Variants in LRRC9 observed in about 807,000 individuals in gnomAD.
LRRC9 encodes the protein leucine rich repeat containing 9.
Under a neutral mutation model 63.2 loss-of-function variants are expected in LRRC9, and 122 were observed. That is an observed-to-expected ratio of 1.93 (90% CI 1.67 to 2.24). The LOEUF (loss-of-function observed/expected upper bound fraction) is 2.24. LRRC9 is among the 30% of genes most tolerant of loss of function. The probability of loss-of-function intolerance (pLI) is 0.00; values close to 1 mark genes in which losing one functional copy is unlikely to be tolerated. For missense variants in LRRC9, 1,071 were observed against 627.7 expected (o/e 1.71, Z -7.55); for synonymous variants, 366 against 213.1 (o/e 1.72, Z -6.25).
chr14:60,034,069 G>A (rs1307111017), intron 29 of LRRC9, among the ~76,000 whole-genome samples: 1 of 123,004 alleles, frequency 8.1e-6, no homozygotes, highest in Non-Finnish European at 1.6e-5. Flanking sequence ...CACCCAAGAT[G>A]GAGTGCAGTG....
rs977096541 is a variant in LRRC9, at chr14:59,986,470, T to C, written c.2211+1246T>C. Among the ~76,000 whole-genome samples, 5 of 152,234 alleles carry C rather than the reference T, an allele frequency of 3.3e-5. No individual in the cohort carries two copies. The highest frequency in any genetic ancestry group is 1.2e-4 in the African/African-American group (5 of 41,466). On this transcript the variant is annotated intron_variant, in intron 17 of 31. Coordinates refer to ENST00000445360, the Ensembl canonical transcript of LRRC9. This position sits in a 1 kb window ranked among gnomAD's most constrained non-coding sequence, Gnocchi z 4.7. The stretch of plus-strand genomic sequence containing the variant: ...TTTAGTGTTAAACTCACTTCCTTTT[T>C]CTTTTGGTAGGCCCAAGCCCTTTTA...
At chr14:59,943,936 C>A (rs1012053686) in intron 7 of LRRC9, among the ~76,000 whole-genome samples, 2 of 151,870 alleles carry the variant, frequency 1.3e-5, no homozygotes, top group Non-Finnish European at 2.9e-5. Context: ...TGTTTATGGT[C>A]TCCTCAGATA....
chr14:59,974,462 G>A (rs757070275), intron 12 of LRRC9, 114 bp from the exon 13 acceptor site: 32 of 429,276 alleles, frequency 7.5e-5, no homozygotes, highest in Non-Finnish European at 1.2e-4. Flanking sequence ...CAGTGAGTCC[G>A]GCCTGCAGAT....
At position 60,053,816 on chromosome 14, in the gene LRRC9, C is replaced by A. The variant is rs1894073683; in HGVS notation, c.4131+611C>A. 2.4e-6 allele frequency: 1 copy of A among 413,168 alleles called. No individual in the cohort carries two copies. The highest frequency in any genetic ancestry group is 4.7e-6 in the Non-Finnish European group (1 of 213,334). The allele number at this position is 413,168 out of a possible 1,614,324, so 25.6% of individuals were successfully genotyped here. On this transcript the variant is annotated intron_variant, in intron 30 of 31. Coordinates refer to ENST00000445360, the Ensembl canonical transcript of LRRC9. The surrounding 1 kb of genome is among the most constrained non-coding windows in gnomAD (Gnocchi z 4.8). ...AATTCTGTCTTTGACCACCTAGTTT[C>A]TTCATGACCATCTTCTAAAGACTAA... is the stretch of plus-strand genomic sequence containing the variant.
Position 60,052,925 on chromosome 14 carries a change from C to T in LRRC9, c.3991-140C>T, listed in dbSNP as rs1893999701. 3 of 499,850 alleles carry T rather than the reference C, an allele frequency of 6.0e-6. No individual in the cohort carries two copies. The Admixed American group carries it at 1.0e-4, about 17-fold the overall frequency. 31.0% of individuals were successfully genotyped at this position (499,850 alleles called of 1,614,324 possible). A position where few individuals can be genotyped will look rare whatever the true frequency, so the allele number is the denominator to read the frequency against. ...TGAGTAATTTTTCAAAAAGGTAGCT[C>T]ATTATCTGTAGCATCTATTACTATA... On this transcript the variant is annotated intron_variant, in intron 29 of 31. Transcript: ENST00000445360.
At chr14:60,014,074 T>C (rs1387042931) in intron 23 of LRRC9, among the ~76,000 whole-genome samples, 1 of 152,068 alleles carries the variant, frequency 6.6e-6, no homozygotes, top group East Asian at 1.9e-4. Context: ...TTAGTGTATC[T>C]CTTCATATAG....
At chr14:60,033,998 T>A (rs1892205784) in intron 29 of LRRC9, among the ~76,000 whole-genome samples, 2 of 149,784 alleles carry the variant, frequency 1.3e-5, no homozygotes, top group African/African-American at 2.4e-5. Context: ...TTGGCCTTTT[T>A]ATGTAATTTT....
chr14:59,987,049 A>C (rs139990812), intron 17 of LRRC9, among the ~76,000 whole-genome samples: 76 of 152,272 alleles, frequency 5.0e-4, no homozygotes, highest in Non-Finnish European at 7.6e-4. Context: ...AGAGAATTAC[A>C]TGCTATATAT....
rs745748529 is a variant in LRRC9, at chr14:60,042,103, C to T, written c.3990+10040C>T. Among the ~76,000 whole-genome samples, 1 of 152,216 alleles carries T rather than the reference C, an allele frequency of 6.6e-6. No individual in the cohort carries two copies. The highest frequency in any genetic ancestry group is 1.5e-5 in the Non-Finnish European group (1 of 68,042). On this transcript the variant is annotated intron_variant, in intron 29 of 31. Transcript: ENST00000445360. The surrounding 1 kb of genome is among the most constrained non-coding windows in gnomAD (Gnocchi z 4.2). ...GGCAAATGTTGCTGCTTGATCCTTC[C>T]TCTGGAACCTTCGTCTCAGAGGGGC...
At chr14:60,038,423 G>T (rs892144498) in intron 29 of LRRC9, among the ~76,000 whole-genome samples, 37 of 152,078 alleles carry the variant, frequency 2.4e-4, no homozygotes, top group Admixed American at 4.6e-4. Flanking sequence ...CCATTTGTTT[G>T]TGTCCTCTTT....
chr14:60,034,072 G>GTGCAGT (rs1356176503), intron 29 of LRRC9, among the ~76,000 whole-genome samples: 2 of 135,888 alleles, frequency 1.5e-5, no homozygotes, highest in Non-Finnish European at 3.1e-5. Context: ...CCAAGATGGA[G>GTGCAGT]TGCAGTGGCA....
chr14:60,052,425 GCA>G (rs762693266), intron 29 of LRRC9, among the ~76,000 whole-genome samples: 1 of 152,106 alleles, frequency 6.6e-6, no homozygotes, highest in Non-Finnish European at 1.5e-5. Flanking sequence ...GGTTACATAG[GCA>G]CACTCTTCCT....
At chr14:60,037,670 T>G (rs553641469) in intron 29 of LRRC9, among the ~76,000 whole-genome samples, 2 of 152,332 alleles carry the variant, frequency 1.3e-5, no homozygotes, top group Admixed American at 1.3e-4. Flanking sequence ...ATATTAGCCC[T>G]TTGTCCGATA....
intron 29 of LRRC9, among the ~76,000 whole-genome samples, chr14:60,033,326 C>A (rs1386983922): frequency 2.0e-5 from 3 of 152,014 alleles, no homozygotes; most frequent in Non-Finnish European, 2.9e-5. Context: ...AGTGTGCTAT[C>A]TAGGACCCCT....
chr14:60,034,817 G>A (rs1892296211), intron 29 of LRRC9, among the ~76,000 whole-genome samples: 2 of 152,142 alleles, frequency 1.3e-5, no homozygotes, highest in Non-Finnish European at 2.9e-5. Flanking sequence ...TAGGAGTGCA[G>A]GTATCTCTTT....
chr14:59,933,951 A>G (rs1192165780), intron 6 of LRRC9, among the ~76,000 whole-genome samples: 2 of 152,206 alleles, frequency 1.3e-5, no homozygotes, highest in African/African-American at 2.4e-5. Flanking sequence ...ACTGTATTTT[A>G]TAGACAACAG....
At position 59,944,618 on chromosome 14, in the gene LRRC9, T is replaced by C. The variant is rs774485207; in HGVS notation, c.756T>C (p.Tyr252=). Residue 252 remains tyrosine (Y), a synonymous_variant, in exon 8 of 32, where the codon TAT becomes TAC. Transcript: ENST00000445360. ...CAGCAATGAAAAAAATAATGTATTA[T>C]AATATGCGTATAAAAACTCTTCAGA... The C allele has an allele frequency of 8.2e-5, 52 of 637,734 alleles. 1 individual carries two copies. In the Middle Eastern group the frequency reaches 1.3e-3, roughly 16 times the overall value. The allele number at this position is 637,734 out of a possible 1,614,324, so 39.5% of individuals were successfully genotyped here. A position where few individuals can be genotyped will look rare whatever the true frequency, so the allele number is the denominator to read the frequency against.
chr14:60,017,389 T>C lies in LRRC9; in HGVS notation c.3317+599T>C. Among the ~76,000 whole-genome samples, 1 of 152,104 alleles carries C rather than the reference T, an allele frequency of 6.6e-6. No individual in the cohort carries two copies. The highest frequency in any genetic ancestry group is 1.9e-4 in the East Asian group (1 of 5,192). ...TGTTGCACTGCCTAGAACTCTTTTC[T>C]GCTAATTTGCTCGACAAATACCTAT... On this transcript the variant is annotated intron_variant, in intron 24 of 31. Transcript: ENST00000445360. The surrounding 1 kb of genome is among the most constrained non-coding windows in gnomAD (Gnocchi z 4.0).
intron 15 of LRRC9, among the ~76,000 whole-genome samples, chr14:59,980,464 T>C (rs1886811636): frequency 6.6e-6 from 1 of 152,176 alleles, no homozygotes; most frequent in Non-Finnish European, 1.5e-5. Context: ...AAACTTTTTT[T>C]GACTATTCTT....
Sources: gnomAD v4.1 joint callset for allele counts (sites outside exome capture counted in the v4.1 genomes callset) on GRCh38, gnomAD v4.1.1 for gene constraint, Gnocchi (gnomAD v3.1) non-coding constraint, MANE v1.5 for transcripts, NCBI Gene and HGNC (gene_info 2026-07-23, HGNC 2026-07-21) for gene names.